The following SGCB variants were observed in gnomAD, a reference collection of about 807,000 sequenced individuals.
SGCB encodes the protein beta-sarcoglycan.
SGCB carries 25 observed loss-of-function variants against 27.3 expected under a neutral mutation model. The ratio of observed to expected loss-of-function variants is 0.92; its 90% CI spans 0.67 to 1.28. The LOEUF is 1.28. SGCB is among the 50% of genes most tolerant of loss of function. The pLI, the probability that SGCB is intolerant of heterozygous loss-of-function variation, is 0.00. For missense variants in SGCB, 436 were observed against 402.1 expected, an observed-to-expected ratio of 1.08 and a Z score of -0.72; for synonymous variants, 147 against 133.5, an observed-to-expected ratio of 1.10 and a Z score of -0.70.
In SGCB at chr4:52,033,564, T is replaced by C. The variant is rs1156620837; in HGVS notation, c.110A>G (p.Asn37Ser). 4 of 1,613,814 alleles carry C rather than the reference T, an allele frequency of 2.5e-6. No individual in the cohort carries two copies. The highest frequency in any genetic ancestry group is 1.1e-5 in the South Asian group (1 of 91,076). The part of the protein sequence containing the change: ...VERRSVNKEH[N>S]SNFKAGYIPI... ...AATGTATCCAGCTTTAAAGTTACTG[T>C]TGTGCTCTTTATTGACACTCCTTCT... The change falls in exon 2 of 6, where the codon AAC becomes AGC. Residue 37 changes from asparagine to serine, a missense_variant. Coordinates refer to ENST00000381431, the MANE Select transcript of SGCB (RefSeq NM_000232.5).
At chr4:52,029,989 T>G (rs1309816918) in intron 2 of SGCB, 126 bp from the exon 3 acceptor site, 24 of 720,330 alleles carry the variant, frequency 3.3e-5, no homozygotes, top group Non-Finnish European at 5.6e-5. Flanking sequence ...GAGGTAAATA[T>G]ATCAATTAAT....
chr4:52,034,331 C>CAAAAAAAAAAAA lies in SGCB; in HGVS notation c.34-703_34-692dup, dbSNP rs541129158. On this transcript the variant is annotated intron_variant, in intron 1 of 5. Transcript: ENST00000381431. Reference sequence around the variant, plus strand: ...TGGGCGACAGAGCGAGACTCCGTCTCAAAAAAAAAAAAAAAAAAAAAAAAA... The same window carrying CAAAAAAAAAAAA: ...TGGGCGACAGAGCGAGACTCCGTCTCAAAAAAAAAAAAAAAAAAAAAAAAAAAAAAAAAAAAA... 2.6e-4 allele frequency among the ~76,000 whole-genome samples: 7 copies of CAAAAAAAAAAAA among 26,516 alleles called. 1 individual carries two copies. Among genetic ancestry groups the CAAAAAAAAAAAA allele is most frequent in the African/African-American group, 7.2e-4 (5 of 6,992 alleles). The allele number at this position is 26,516 out of a possible 152,430, so 17.4% of individuals were successfully genotyped here. A position where few individuals can be genotyped will look rare whatever the true frequency, so the allele number is the denominator to read the frequency against.
intron 5 of SGCB, among the ~76,000 whole-genome samples, chr4:52,027,470 GT>G (rs975139862): frequency 2.0e-5 from 3 of 150,360 alleles, no homozygotes; most frequent in Non-Finnish European, 3.0e-5. Flanking sequence ...TTTGCTAATT[GT>G]TTTTTTTCAC....
At chr4:52,028,221 T>C in intron 4 of SGCB, 122 bp from the exon 5 acceptor site, 1 of 748,878 alleles carries the variant, frequency 1.3e-6, no homozygotes, top group Non-Finnish European at 2.2e-6. Context: ...CTATTAATGT[T>C]TTAGAGATGT....
intron 1 of SGCB, among the ~76,000 whole-genome samples, chr4:52,036,113 C>T (rs919851629): frequency 6.6e-6 from 1 of 152,148 alleles, no homozygotes; most frequent in African/African-American, 2.4e-5. Context: ...GCAATGCATA[C>T]AATACAGAAA....
intron 5 of SGCB, among the ~76,000 whole-genome samples, chr4:52,026,742 A>C (rs1033485863): frequency 2.6e-5 from 4 of 152,228 alleles, no homozygotes; most frequent in Non-Finnish European, 4.4e-5. Flanking sequence ...TGTATATTTC[A>C]AAGTATTTAA....
intron 1 of SGCB, among the ~76,000 whole-genome samples, chr4:52,036,486 A>G (rs1041875301): frequency 4.6e-5 from 7 of 152,226 alleles, no homozygotes; most frequent in Admixed American, 1.3e-4. Flanking sequence ...GGTTTCCTAT[A>G]CAATCAGATT....
Position 52,023,912 on chromosome 4 carries a change from A to G in SGCB, c.*45T>C, listed in dbSNP as rs1446819905. 5.4e-6 allele frequency: 8 copies of G among 1,490,194 alleles called. No homozygotes were observed. Among genetic ancestry groups the G allele is most frequent in the Non-Finnish European group, 7.5e-6 (8 of 1,067,576 alleles). 92.3% of individuals were successfully genotyped at this position (1,490,194 alleles called of 1,614,324 possible). On this transcript the variant is annotated 3_prime_UTR_variant, in exon 6 of 6. Transcript: ENST00000381431. ...AAAACAATGATTTGCATGCATAAAA[A>G]AGTCAAGTCAAGATATAAACATGTT...
At chr4:52,037,926 C>CT (rs2109380240) in intron 1 of SGCB, among the ~76,000 whole-genome samples, 1 of 152,286 alleles carries the variant, frequency 6.6e-6, no homozygotes, top group African/African-American at 2.4e-5. Context: ...CCAGCGCAGG[C>CT]TTCCAGGCTG....
At chr4:52,034,331 CAAAAAAAAAAAAAAAAAAAAAAAA>C (rs541129158) in intron 1 of SGCB, among the ~76,000 whole-genome samples, 36 of 26,516 alleles carry the variant, frequency 1.4e-3, no homozygotes, top group East Asian at 0.013. Flanking sequence ...GACTCCGTCT[CAAAAAAAAAAAAAAAAAAAAAAAA>C]AAAAAAAAAA....
intron 2 of SGCB, chr4:52,032,030 AG>A (rs1737258873): frequency 2.2e-6 from 1 of 450,846 alleles, no homozygotes; most frequent in African/African-American, 2.0e-5. Flanking sequence ...TTCCTGTTTC[AG>A]TATGGAAACC....
chr4:52,020,992 C>T lies in SGCB; in HGVS notation c.*2965G>A, dbSNP rs912292722. The T allele has an allele frequency of 2.0e-5, 3 of 152,112 alleles. No homozygotes were observed. Among genetic ancestry groups the T allele is most frequent in the Admixed American group, 6.5e-5 (1 of 15,284 alleles). 9.4% of individuals were successfully genotyped at this position (152,112 alleles called of 1,614,324 possible). A position where few individuals can be genotyped will look rare whatever the true frequency, so the allele number is the denominator to read the frequency against. ...ACCTTTCATCATCAAAATTATCACA[C>T]AAAATTTATTTTGTTTTTTTCACAA... On this transcript the variant is annotated 3_prime_UTR_variant, in exon 6 of 6. Transcript: ENST00000381431.
In SGCB at chr4:52,022,192, G is replaced by T. The variant is rs1228842737; in HGVS notation, c.*1765C>A. ...ATCTCATTCTTTTCATTTAAAAACA[G>T]CGCTCAGTGTTAGGTAGTAAGTCAA... On this transcript the variant is annotated 3_prime_UTR_variant, in exon 6 of 6. Transcript: ENST00000381431. 6.6e-6 allele frequency: 1 copy of T among 152,130 alleles called. No individual in the cohort carries two copies. Among genetic ancestry groups the T allele is most frequent in the South Asian group, 2.1e-4 (1 of 4,828 alleles). 9.4% of individuals were successfully genotyped at this position (152,130 alleles called of 1,614,324 possible). A position where few individuals can be genotyped will look rare whatever the true frequency, so the allele number is the denominator to read the frequency against.
intron 2 of SGCB, among the ~76,000 whole-genome samples, chr4:52,030,985 G>A (rs904549003): frequency 5.9e-5 from 9 of 152,084 alleles, no homozygotes; most frequent in African/African-American, 1.4e-4. Flanking sequence ...TTGCCTTCCA[G>A]GTCCCAATGC....
intron 1 of SGCB, 136 bp downstream of exon 1, chr4:52,038,091 C>CA: frequency 2.8e-6 from 1 of 352,170 alleles, no homozygotes; most frequent in Non-Finnish European, 4.1e-6. Context: ...CCCCGCCCCG[C>CA]CCCGATCGGC....
chr4:52,026,899 C>A (rs1279371815), intron 5 of SGCB, among the ~76,000 whole-genome samples: 1 of 152,178 alleles, frequency 6.6e-6, no homozygotes, highest in Non-Finnish European at 1.5e-5. Context: ...TGTACTGTGG[C>A]TATTCTTCAA....
rs1003184667 is a variant in SGCB at position 52,022,452 on chromosome 4, G to A, written c.*1505C>T. ...CTTTGGGGGCCCTGTCCCTGATTCT[G>A]TGTGAGTCTTAATAATACCAGAGAG... On this transcript the variant is annotated 3_prime_UTR_variant, in exon 6 of 6. Coordinates refer to ENST00000381431, the MANE Select transcript of SGCB (RefSeq NM_000232.5). 2.8e-4 allele frequency: 43 copies of A among 152,182 alleles called. No individual in the cohort carries two copies. Among genetic ancestry groups the A allele is most frequent in the African/African-American group, 1.0e-3 (43 of 41,448 alleles). The allele number at this position is 152,182 out of a possible 1,614,324, so 9.4% of individuals were successfully genotyped here.
chr4:52,033,282 A>G, intron 2 of SGCB, 149 bp downstream of exon 2: 1 of 645,090 alleles, frequency 1.6e-6, no homozygotes, highest in South Asian at 1.8e-5. Flanking sequence ...AAATATTAGC[A>G]CACTAGTTTT....
chr4:52,026,062 G>A (rs566337481), intron 5 of SGCB, among the ~76,000 whole-genome samples: 10 of 152,160 alleles, frequency 6.6e-5, no homozygotes, highest in South Asian at 2.1e-4. Flanking sequence ...GGGAGGCATC[G>A]GCTTACAGAG....
Sources: allele counts gnomAD v4.1 joint callset (sites outside exome capture counted in the v4.1 genomes callset), GRCh38; gene constraint gnomAD v4.1.1; transcripts MANE v1.5; gene names NCBI Gene and HGNC (gene_info 2026-07-23, HGNC 2026-07-21).